The following GAK variants were observed in gnomAD, a reference collection of about 807,000 sequenced individuals.
The protein encoded by GAK is cyclin-G-associated kinase.
GAK carries 79 observed loss-of-function variants against 143.9 expected under a neutral mutation model. The observed-to-expected ratio is 0.55, with a 90% CI of 0.46 to 0.66. The LOEUF is 0.66. Among genes scored for constraint, GAK ranks in the 30% least tolerant of loss-of-function variants. GAK has a pLI of 0.00. For missense variants in GAK, 1,693 were observed against 1,779.7 expected (o/e 0.95, Z 0.88); for synonymous variants, 881 against 765.5 (o/e 1.15, Z -2.49).
chr4:859,550 A>G (rs1223046175), intron 24 of GAK, 56 bp downstream of exon 24: 9 of 1,588,220 alleles, frequency 5.7e-6, no homozygotes, highest in Non-Finnish European at 7.8e-6. Context: ...GATAGACGAG[A>G]ATAAACCTCC....
At chr4:868,049 G>A (rs956882115) in intron 20 of GAK, among the ~76,000 whole-genome samples, 2 of 152,244 alleles carry the variant, frequency 1.3e-5, no homozygotes, top group African/African-American at 4.8e-5. Context: ...AGGGGTGCTG[G>A]GACAGGAAGT....
intron 20 of GAK, among the ~76,000 whole-genome samples, chr4:868,326 TG>T (rs929905232): frequency 2.6e-5 from 4 of 152,196 alleles, no homozygotes; most frequent in African/African-American, 9.6e-5. Context: ...TTTGTGGGCA[TG>T]TTCTTTTTTT....
intron 9 of GAK, among the ~76,000 whole-genome samples, chr4:891,055 T>G (rs537584505): frequency 1.3e-5 from 2 of 151,952 alleles, no homozygotes; most frequent in African/African-American, 4.8e-5. Flanking sequence ...CCTCATGAGT[T>G]CAAGCAATTC....
At chr4:887,274 TG>T (rs1716611360) in intron 11 of GAK, 1 of 128,610 alleles carries the variant, frequency 7.8e-6, no homozygotes, top group Admixed American at 7.6e-5. Context: ...CGCACTCACG[TG>T]TACACATGCA....
At chr4:876,274 A>G (rs1713846339) in intron 18 of GAK, among the ~76,000 whole-genome samples, 1 of 149,874 alleles carries the variant, frequency 6.7e-6, no homozygotes. Flanking sequence ...TCACCTGCTT[A>G]CGCCACGCCC....
At chr4:883,841 A>C (rs915872128) in intron 12 of GAK, among the ~76,000 whole-genome samples, 196 bp downstream of exon 12, 1 of 152,174 alleles carries the variant, frequency 6.6e-6, no homozygotes, top group African/African-American at 2.4e-5. Flanking sequence ...GCTGGCGCTG[A>C]CCCTGTCCAC....
intron 21 of GAK, among the ~76,000 whole-genome samples, 178 bp from the exon 22 acceptor site, chr4:866,712 A>G (rs1443216541): frequency 1.3e-5 from 2 of 152,208 alleles, no homozygotes; most frequent in Admixed American, 1.3e-4. Context: ...CCCACGCCTC[A>G]GGATGACTTT....
At chr4:849,815 CG>C in intron 27 of GAK, 41 bp from the exon 28 acceptor site, 7 of 1,493,240 alleles carry the variant, frequency 4.7e-6, no homozygotes, top group Non-Finnish European at 6.4e-6. Flanking sequence ...TATAAGCATG[CG>C]GGGGCGGGCG....
intron 17 of GAK, 123 bp from the exon 18 acceptor site, chr4:876,732 G>A (rs1229649432): frequency 1.0e-5 from 8 of 788,222 alleles, no homozygotes; most frequent in Admixed American, 8.1e-5. Context: ...CATGGACGGC[G>A]CCCCCGTGCC....
intron 11 of GAK, chr4:886,932 G>A (rs1255537591): frequency 2.6e-5 from 4 of 152,352 alleles, no homozygotes; most frequent in African/African-American, 9.6e-5. Context: ...CTTTCCAAAA[G>A]GTTGCACAAG....
In GAK at chr4:877,786, A is replaced by G; in HGVS notation, c.1685T>C (p.Met562Thr). ...HKRYIEYMCD[M>T]VAEEPITPHS... ...GGGTGTGATGGGCTCCTCCGCCACC[A>G]TGTCACACATGTACTCGATGTACCT... The change falls in exon 16 of 28, where the codon ATG (methionine) becomes ACG (threonine). Residue 562 changes from methionine to threonine, a missense_variant. Around this residue, in one of 2 missense-constraint regions of GAK, gnomAD observed 871 missense variants for 991.0 expected, o/e 0.88. Transcript: ENST00000314167. 1 of 1,607,854 alleles carries G rather than the reference A, an allele frequency of 6.2e-7. No individual in the cohort carries two copies. Among genetic ancestry groups the G allele is most frequent in the Non-Finnish European group, 8.5e-7 (1 of 1,177,210 alleles).
chr4:889,016 C>G, intron 10 of GAK, 46 bp from the exon 11 acceptor site: 1 of 1,581,688 alleles, frequency 6.3e-7, no homozygotes, highest in South Asian at 1.1e-5. Flanking sequence ...CTCGGTCCCA[C>G]CTCCCCAGGT....
At chr4:885,092 G>A (rs540372533) in intron 11 of GAK, among the ~76,000 whole-genome samples, 14 of 151,080 alleles carry the variant, frequency 9.3e-5, no homozygotes, top group Admixed American at 2.0e-4. Context: ...CGGGTCTTCC[G>A]TGCGTTCAAA....
At chr4:901,892 A>T (rs1276907729) in intron 5 of GAK, among the ~76,000 whole-genome samples, 2 of 152,246 alleles carry the variant, frequency 1.3e-5, no homozygotes, top group African/African-American at 4.8e-5. Flanking sequence ...AGGGCAAGAG[A>T]CAAGGCTCGG....
chr4:896,671 A>G (rs980557484), intron 6 of GAK, 122 bp from the exon 7 acceptor site: 2 of 763,890 alleles, frequency 2.6e-6, no homozygotes, highest in Non-Finnish European at 4.5e-6. Flanking sequence ...TGTCCCGCAC[A>G]CTATGCCCCG....
At chr4:881,411 C>A (rs1715075879) in intron 15 of GAK, among the ~76,000 whole-genome samples, 1 of 152,116 alleles carries the variant, frequency 6.6e-6, no homozygotes, top group African/African-American at 2.4e-5. Flanking sequence ...GAGCCCTAAA[C>A]ACGCTGTGAC....
chr4:885,409 G>A (rs1716113613), intron 11 of GAK, among the ~76,000 whole-genome samples: 1 of 152,198 alleles, frequency 6.6e-6, no homozygotes, highest in African/African-American at 2.4e-5. Flanking sequence ...AACCCCCACT[G>A]CTCCTGTACC....
At chr4:857,823 A>G (rs1749563416) in intron 24 of GAK, among the ~76,000 whole-genome samples, 1 of 151,714 alleles carries the variant, frequency 6.6e-6, no homozygotes, top group Admixed American at 6.6e-5. Flanking sequence ...TTTCCCCCCA[A>G]ATGTCTTGTG....
At chr4:901,611 C>T (rs1376489401) in intron 5 of GAK, among the ~76,000 whole-genome samples, 1 of 152,226 alleles carries the variant, frequency 6.6e-6, no homozygotes, top group African/African-American at 2.4e-5. Context: ...TGAACGAAAC[C>T]TCTGGACACA....
Sources: gnomAD v4.1 joint callset for allele counts (sites outside exome capture counted in the v4.1 genomes callset) on GRCh38, gnomAD v4.1.1 for gene constraint, gnomAD v4.1.1 regional missense constraint, MANE v1.5 for transcripts, NCBI Gene and HGNC (gene_info 2026-07-23, HGNC 2026-07-21) for gene names.